The following TUBGCP3 variants were observed in gnomAD, a reference collection of about 807,000 sequenced individuals.
The protein encoded by TUBGCP3 is gamma-tubulin complex component 3.
TUBGCP3 carries 50 observed loss-of-function variants against 123.1 expected under a neutral mutation model. The ratio of observed to expected loss-of-function variants is 0.41; its 90% CI spans 0.32 to 0.51. The LOEUF (loss-of-function observed/expected upper bound fraction) is 0.51, where lower values mean the gene tolerates loss of function less well. TUBGCP3 is among the 20% of genes least tolerant of loss of function. The pLI is 0.36. For missense variants in TUBGCP3, 882 were observed against 1,127.0 expected (o/e 0.78, Z 3.11); for synonymous variants, 405 against 413.9 (o/e 0.98, Z 0.26).
chr13:112,487,855 G>A (rs1035574386), intron 21 of TUBGCP3, among the ~76,000 whole-genome samples: 1 of 152,144 alleles, frequency 6.6e-6, no homozygotes, highest in African/African-American at 2.4e-5. Flanking sequence ...ATGAGGGCCG[G>A]GCATGGTGGC....
At chr13:112,597,330 C>T in the TUBGCP3 span, among the ~76,000 whole-genome samples, 1 of 152,178 alleles carries the variant, frequency 6.6e-6, no homozygotes, top group Non-Finnish European at 1.5e-5. Context: ...AGATGGTGTG[C>T]AGGATTGCTA....
At chr13:112,560,200 G>A (rs1480850493) in intron 3 of TUBGCP3, among the ~76,000 whole-genome samples, 1 of 151,398 alleles carries the variant, frequency 6.6e-6, no homozygotes, top group Non-Finnish European at 1.5e-5. Context: ...GGAGGCCGAG[G>A]CGGGCGGATC....
chr13:112,509,869 A>C (rs115956104), intron 17 of TUBGCP3, among the ~76,000 whole-genome samples: 36 of 152,358 alleles, frequency 2.4e-4, no homozygotes, highest in African/African-American at 8.2e-4. Flanking sequence ...TTCACAAGGC[A>C]CAATTAGTCC....
chr13:112,556,781 T>C (rs1243603773), intron 5 of TUBGCP3, among the ~76,000 whole-genome samples: 2 of 152,212 alleles, frequency 1.3e-5, no homozygotes, highest in African/African-American at 4.8e-5. Context: ...GGCAAATGCA[T>C]ATTCAAGGTC....
rs757395074 is a variant in TUBGCP3 at position 112,547,640 on chromosome 13, G to A, written c.1148C>T (p.Ala383Val). ...GGGACCTTGGCAGTGGTCCACTAGGGCCGCAAGGGTCTTCAGTCGTATTTT... is the reference window on the plus strand; with the variant it reads ...GGGACCTTGGCAGTGGTCCACTAGGACCGCAAGGGTCTTCAGTCGTATTTT... ...DPKIRLKTLA[A>V]LVDHCQGRKG... Residue 383 changes from alanine (A) to valine (V), a missense_variant, in exon 10 of 22, where the codon GCC (alanine) becomes GTC (valine). Coordinates refer to ENST00000261965, the MANE Select transcript of TUBGCP3 (RefSeq NM_006322.6). 1 of 1,561,078 alleles carries A rather than the reference G, an allele frequency of 6.4e-7. No individual in the cohort carries two copies. The highest frequency in any genetic ancestry group is 1.2e-5 in the South Asian group (1 of 84,594).
At chr13:112,548,596 G>A (rs1879271867) in intron 8 of TUBGCP3, among the ~76,000 whole-genome samples, 1 of 152,006 alleles carries the variant, frequency 6.6e-6, no homozygotes, top group African/African-American at 2.4e-5. Flanking sequence ...TCTGACAAAG[G>A]GCTAATATCC....
rs185595127 is a variant in TUBGCP3, at chr13:112,563,171, C to T, written c.252+1940G>A. ...CTGGACCCTCCTTCCACTCCGGACT[C>T]CTTCCTCTAGGTCTACCAACAACAA... On this transcript the variant is annotated intron_variant, in intron 3 of 21. Transcript: ENST00000261965. 1.2e-4 allele frequency among the ~76,000 whole-genome samples: 18 copies of T among 152,364 alleles called. No individual in the cohort carries two copies. The East Asian group carries it at 3.5e-3, about 29-fold the overall frequency.
At chr13:112,602,213 C>T in the TUBGCP3 span, among the ~76,000 whole-genome samples, 4 of 152,208 alleles carry the variant, frequency 2.6e-5, no homozygotes, top group African/African-American at 9.7e-5. Context: ...TTTTAATACA[C>T]TCTCCAGTGT....
intron 2 of TUBGCP3, among the ~76,000 whole-genome samples, chr13:112,568,287 ACAT>A (rs1881125506): frequency 1.3e-5 from 2 of 151,602 alleles, no homozygotes; most frequent in Non-Finnish European, 2.9e-5. Flanking sequence ...GGCTTCTAGA[ACAT>A]GTTATTATTG....
rs1352274091 is a variant in TUBGCP3, at chr13:112,547,695, G to A, written c.1093C>T (p.Arg365Trp). The change falls in exon 10 of 22, where the codon CGG becomes TGG. Residue 365 changes from arginine to tryptophan, a missense_variant. By Grantham distance (101) the Arg-to-Trp change is moderately radical (BLOSUM62 -3). Around this residue, in one of 3 missense-constraint regions of TUBGCP3, gnomAD observed 713 missense variants for 874.0 expected, o/e 0.82. Coordinates refer to ENST00000261965, the MANE Select transcript of TUBGCP3 (RefSeq NM_006322.6). ...TCATAGGTCCAAACCAGGAGGCGCC[G>A]AAGTGTTAAACTACTCTCAAGTCCC... ...NLGLESSLTL[R>W]RLLVWTYDPK... 7 of 1,578,548 alleles carry A rather than the reference G, an allele frequency of 4.4e-6. No homozygotes were observed. The highest frequency in any genetic ancestry group is 2.3e-5 in the East Asian group (1 of 43,972).
At chr13:112,504,197 C>G in intron 18 of TUBGCP3, 34 bp from the exon 19 acceptor site, 2 of 1,613,562 alleles carry the variant, frequency 1.2e-6, no homozygotes, top group Admixed American at 1.7e-5. Flanking sequence ...GCTAGATAAG[C>G]TCATGTCCTT....
intron 1 of TUBGCP3, among the ~76,000 whole-genome samples, chr13:112,573,132 G>A (rs183527916): frequency 5.9e-4 from 90 of 151,386 alleles, no homozygotes; most frequent in Non-Finnish European, 1.0e-3. Context: ...AAGTAACAAC[G>A]TAGGGAATAA....
intron 21 of TUBGCP3, among the ~76,000 whole-genome samples, chr13:112,488,511 G>C (rs1879829878): frequency 2.6e-5 from 4 of 152,176 alleles, no homozygotes; most frequent in African/African-American, 9.7e-5. Flanking sequence ...CTCAGGGACA[G>C]TCCCCATCGG....
intron 1 of TUBGCP3, among the ~76,000 whole-genome samples, chr13:112,577,965 T>C (rs1185363089): frequency 6.6e-6 from 1 of 152,130 alleles, no homozygotes; most frequent in East Asian, 1.9e-4. Context: ...ATGCCACATA[T>C]GAAAATTTGT....
intron 3 of TUBGCP3, among the ~76,000 whole-genome samples, chr13:112,560,676 T>C (rs1880444212): frequency 6.6e-6 from 1 of 152,222 alleles, no homozygotes; most frequent in South Asian, 2.1e-4. Flanking sequence ...TTATGTAAAC[T>C]CTCCATTATA....
chr13:112,565,058 C>T, intron 3 of TUBGCP3, 53 bp downstream of exon 3: 1 of 1,490,974 alleles, frequency 6.7e-7, no homozygotes, highest in Admixed American at 1.8e-5. Context: ...TCCTATACCA[C>T]TCATCATATC....
the TUBGCP3 span, among the ~76,000 whole-genome samples, chr13:112,594,480 G>T: frequency 2.0e-5 from 3 of 152,118 alleles, no homozygotes; most frequent in African/African-American, 4.8e-5. Context: ...CCTGATAAAG[G>T]TCATCTATAA....
chr13:112,590,271 C>G (rs1038109103), upstream of TUBGCP3, among the ~76,000 whole-genome samples: 3 of 152,144 alleles, frequency 2.0e-5, no homozygotes, highest in African/African-American at 7.2e-5. Flanking sequence ...CCACCGCGCC[C>G]GGTCCAGCCA....
chr13:112,504,976 G>C (rs1450904660), intron 17 of TUBGCP3, among the ~76,000 whole-genome samples: 1 of 152,114 alleles, frequency 6.6e-6, no homozygotes, highest in Non-Finnish European at 1.5e-5. Flanking sequence ...AAATATAATT[G>C]TATTTAAAAA....
Sources: gnomAD v4.1 joint callset for allele counts (sites outside exome capture counted in the v4.1 genomes callset) on GRCh38, gnomAD v4.1.1 for gene constraint, gnomAD v4.1.1 regional missense constraint, MANE v1.5 for transcripts, NCBI Gene and HGNC (gene_info 2026-07-23, HGNC 2026-07-21) for gene names.